The following VTA1 variants were observed in gnomAD, a reference collection of about 807,000 sequenced individuals.
VTA1 encodes the protein vesicle trafficking 1, also known as vacuolar protein sorting-associated protein VTA1 homolog.
In VTA1, 24 loss-of-function variants were observed where a neutral mutation model predicts 36.9. The ratio of observed to expected loss-of-function variants is 0.65; its 90% CI spans 0.47 to 0.91. The LOEUF is 0.91. Among genes scored for constraint, VTA1 ranks in the 40% least tolerant of loss-of-function variants. The probability of loss-of-function intolerance (pLI) is 0.00; values close to 1 mark genes in which losing one functional copy is unlikely to be tolerated. For missense variants in VTA1, 393 were observed against 377.2 expected, an observed-to-expected ratio of 1.04 and a Z score of -0.35; for synonymous variants, 142 against 130.2, an observed-to-expected ratio of 1.09 and a Z score of -0.62.
chr6:142,204,038 C>T lies in VTA1; in HGVS notation c.751C>T (p.Pro251Ser). 6.2e-7 allele frequency: 1 copy of T among 1,613,590 alleles called. No individual in the cohort carries two copies. The highest frequency in any genetic ancestry group is 8.5e-7 in the Non-Finnish European group (1 of 1,179,682). The change falls in exon 7 of 8, where the codon CCC (proline) becomes TCC (serine). Residue 251 changes from proline to serine, a missense_variant. Coordinates refer to ENST00000367630, the MANE Select transcript of VTA1 (RefSeq NM_016485.5). Reference sequence around the variant, plus strand: ...TCCACAGACTATACCTGCCATTGATCCCGCACTTTTCAATACAATTTCCCA... The same window carrying T: ...TCCACAGACTATACCTGCCATTGATTCCGCACTTTTCAATACAATTTCCCA... Reference protein sequence around the residue: ...PTPQTIPAIDPALFNTISQGD... With the variant: ...PTPQTIPAIDSALFNTISQGD...
chr6:142,162,381 A>G (rs1006039784), intron 1 of VTA1, among the ~76,000 whole-genome samples: 9 of 152,202 alleles, frequency 5.9e-5, no homozygotes, highest in African/African-American at 1.7e-4. Context: ...GTTCACTACT[A>G]TGGTTAAAAA....
rs552055575 is a variant in VTA1, at chr6:142,219,688, T to C, written c.*1045T>C. ...TTTTATTTATAGGAATATGGGTGTTTCTATAGGAAGAAACAGGTTTTTTGT... is the reference window on the plus strand; with the variant it reads ...TTTTATTTATAGGAATATGGGTGTTCCTATAGGAAGAAACAGGTTTTTTGT... On this transcript the variant is annotated 3_prime_UTR_variant, in exon 8 of 8. Transcript: ENST00000367630. 3 of 152,358 alleles carry C rather than the reference T, an allele frequency of 2.0e-5. No homozygotes were observed. The highest frequency in any genetic ancestry group is 3.9e-4 in the East Asian group (2 of 5,188). The allele number at this position is 152,358 out of a possible 1,614,324, so 9.4% of individuals were successfully genotyped here.
chr6:142,206,639 G>A (rs966707283), intron 7 of VTA1, among the ~76,000 whole-genome samples: 2 of 152,092 alleles, frequency 1.3e-5, no homozygotes, highest in African/African-American at 4.8e-5. Context: ...AATAATCAAC[G>A]TAGTACTGAA....
chr6:142,189,891 G>A (rs556630751), intron 5 of VTA1, among the ~76,000 whole-genome samples: 1 of 152,076 alleles, frequency 6.6e-6, no homozygotes, highest in African/African-American at 2.4e-5. Context: ...CGAGTAGCTG[G>A]GACTACAGGC....
At chr6:142,153,829 C>G (rs777143698) in intron 1 of VTA1, among the ~76,000 whole-genome samples, 1 of 151,964 alleles carries the variant, frequency 6.6e-6, no homozygotes, top group Non-Finnish European at 1.5e-5. Context: ...TAAACTTTTT[C>G]TTTTGAAATA....
chr6:142,198,408 A>T (rs758687493), intron 5 of VTA1, 31 bp from the exon 6 acceptor site: 1 of 1,594,860 alleles, frequency 6.3e-7, no homozygotes, highest in East Asian at 2.2e-5. Context: ...CAAAATACCT[A>T]CTGTAACATT....
intron 1 of VTA1, among the ~76,000 whole-genome samples, chr6:142,155,255 GA>G (rs571788085): frequency 5.2e-4 from 79 of 152,258 alleles, no homozygotes; most frequent in Non-Finnish European, 9.4e-4. Flanking sequence ...ACAAAGTTTG[GA>G]AAGCATTTTG....
At chr6:142,148,974 T>A (rs1778513696) in intron 1 of VTA1, among the ~76,000 whole-genome samples, 1 of 152,220 alleles carries the variant, frequency 6.6e-6, no homozygotes, top group African/African-American at 2.4e-5. Context: ...AGGAAATTCC[T>A]GTTCCCGATC....
At chr6:142,149,806 T>A (rs1778532735) in intron 1 of VTA1, among the ~76,000 whole-genome samples, 1 of 152,196 alleles carries the variant, frequency 6.6e-6, no homozygotes, top group Non-Finnish European at 1.5e-5. Context: ...TTTCTACATC[T>A]GTAGATGGGT....
At chr6:142,191,388 TA>T (rs752906598) in intron 5 of VTA1, among the ~76,000 whole-genome samples, 1 of 152,134 alleles carries the variant, frequency 6.6e-6, no homozygotes. Context: ...TCTCTAATCT[TA>T]AAACTCTTTA....
chr6:142,171,331 G>C (rs773307502), intron 4 of VTA1, among the ~76,000 whole-genome samples: 11 of 151,952 alleles, frequency 7.2e-5, no homozygotes, highest in Non-Finnish European at 1.3e-4. Flanking sequence ...CTGACCTCAG[G>C]TAATCCGCCC....
intron 4 of VTA1, among the ~76,000 whole-genome samples, chr6:142,181,094 A>ATATATATATATATATATAT (rs1554219841): frequency 2.5e-4 from 9 of 36,428 alleles, no homozygotes; most frequent in South Asian, 1.4e-3. Context: ...AAAAAAAAAA[A>ATATATATATATATATATAT]ATATATATAT....
At chr6:142,151,292 G>T (rs1261453306) in intron 1 of VTA1, among the ~76,000 whole-genome samples, 1 of 152,174 alleles carries the variant, frequency 6.6e-6, no homozygotes, top group African/African-American at 2.4e-5. Context: ...ACATGTATCT[G>T]TTAAGGGTAA....
chr6:142,198,678 T>A (rs1775619155), intron 6 of VTA1, 63 bp downstream of exon 6: 1 of 1,463,376 alleles, frequency 6.8e-7, no homozygotes, highest in Admixed American at 2.1e-5. Context: ...CTGCATTTCT[T>A]ATCACATATG....
chr6:142,179,376 C>A (rs1484046179), intron 4 of VTA1, among the ~76,000 whole-genome samples: 2 of 151,448 alleles, frequency 1.3e-5, no homozygotes, highest in African/African-American at 4.9e-5. Flanking sequence ...TGGTTTTTAT[C>A]CAAGAAAAAT....
In VTA1 at chr6:142,219,528, T is replaced by G. The variant is rs1402728477; in HGVS notation, c.*885T>G. ...AGTTTATAAGTTTTGTGGGGAATTA[T>G]GAACTTACTGTGTACTACCTGCATT... On this transcript the variant is annotated 3_prime_UTR_variant, in exon 8 of 8. Coordinates refer to ENST00000367630, the MANE Select transcript of VTA1 (RefSeq NM_016485.5). 3 of 152,222 alleles carry G rather than the reference T, an allele frequency of 2.0e-5. No individual in the cohort carries two copies. The highest frequency in any genetic ancestry group is 6.5e-5 in the Admixed American group (1 of 15,284). 9.4% of individuals were successfully genotyped at this position (152,222 alleles called of 1,614,324 possible).
Position 142,181,249 on chromosome 6 carries a change from T to G in VTA1, c.412-8177T>G, listed in dbSNP as rs187781061. Among the ~76,000 whole-genome samples, 704 of 147,238 alleles carry G rather than the reference T, an allele frequency of 4.8e-3. 5 individuals are homozygous for G. Among genetic ancestry groups the G allele is most frequent in the African/African-American group, 0.017 (673 of 40,714 alleles). Reference sequence around the variant, plus strand: ...CCCGGGTTCATGCCATTCTCCTGCCTCAGCCTCCTGAGTAGCTGGGACTAC... The same window carrying G: ...CCCGGGTTCATGCCATTCTCCTGCCGCAGCCTCCTGAGTAGCTGGGACTAC... On this transcript the variant is annotated intron_variant, in intron 4 of 7. Coordinates refer to ENST00000367630, the MANE Select transcript of VTA1 (RefSeq NM_016485.5).
chr6:142,183,927 A>T (rs1775293634), intron 4 of VTA1, among the ~76,000 whole-genome samples: 1 of 152,164 alleles, frequency 6.6e-6, no homozygotes, highest in Non-Finnish European at 1.5e-5. Flanking sequence ...CAGAAACTCA[A>T]ATTGGTTTAA....
intron 7 of VTA1, among the ~76,000 whole-genome samples, chr6:142,208,721 T>C (rs140581020): frequency 1.3e-5 from 2 of 152,150 alleles, no homozygotes; most frequent in East Asian, 3.9e-4. Context: ...GAGCTCCAAA[T>C]CGTCTGGCAA....
Sources: gnomAD v4.1 joint callset for allele counts (sites outside exome capture counted in the v4.1 genomes callset) on GRCh38, gnomAD v4.1.1 for gene constraint, MANE v1.5 for transcripts, NCBI Gene and HGNC (gene_info 2026-07-23, HGNC 2026-07-21) for gene names.